KIAA0586: variants seen among roughly 807,000 people sequenced by gnomAD.
The protein encoded by KIAA0586 is KIAA0586.
In KIAA0586, 144 loss-of-function variants were observed where a neutral mutation model predicts 169.8. The ratio of observed to expected loss-of-function variants is 0.85; its 90% CI spans 0.74 to 0.97. The LOEUF is 0.97. KIAA0586 is among the 50% of genes least tolerant of loss of function. KIAA0586 has a pLI of 0.00. For missense variants in KIAA0586, 1,854 were observed against 1,823.0 expected, an observed-to-expected ratio of 1.02 and a Z score of -0.31; for synonymous variants, 625 against 612.4, an observed-to-expected ratio of 1.02 and a Z score of -0.30.
At chr14:58,540,982 A>G (rs1375341825) in intron 30 of KIAA0586, among the ~76,000 whole-genome samples, 5 of 152,224 alleles carry the variant, frequency 3.3e-5, no homozygotes, top group Non-Finnish European at 7.3e-5. Flanking sequence ...TTACACAGGA[A>G]TTGGAGCAAG....
At position 58,487,063 on chromosome 14, in the gene KIAA0586, A is replaced by G; in HGVS notation, c.3201A>G (p.Ser1067=). Residue 1067 remains serine (S), a synonymous_variant, in exon 22 of 31, where the codon TCA becomes TCG. Transcript: ENST00000652326. ...AGCCTACGCCTCCTTGCTCACCTTC[A>G]TCACCTGCTAAGGAGTGTGTTTTGG... is the stretch of plus-strand genomic sequence containing the variant. ...TPQPTPPCSP[S]SPAKECVLVK... The G allele has an allele frequency of 6.2e-7, 1 of 1,613,486 alleles. No individual in the cohort carries two copies. The highest frequency in any genetic ancestry group is 2.2e-5 in the East Asian group (1 of 44,858).
chr14:58,492,066 T>G, intron 25 of KIAA0586, 78 bp from the exon 26 acceptor site: 1 of 1,206,746 alleles, frequency 8.3e-7, no homozygotes, highest in Non-Finnish European at 1.1e-6. Context: ...CTGATAAGTT[T>G]TTATTAATCT....
chr14:58,535,109 A>G (rs2046201829), intron 29 of KIAA0586, among the ~76,000 whole-genome samples: 1 of 152,194 alleles, frequency 6.6e-6, no homozygotes, highest in African/African-American at 2.4e-5. Flanking sequence ...AAATGAAATC[A>G]TACGGTATGT....
rs755960543 is a variant in KIAA0586, at chr14:58,430,643, C to G, written c.271-5C>G. ...TAGCCTATTTCTTCCTTTCATATCC[C>G]AAAGGATTTTTCTAAAGACGTTGCA... is the stretch of plus-strand genomic sequence containing the variant. On this transcript the variant is annotated splice_region_variant and splice_polypyrimidine_tract_variant and intron_variant, in intron 2 of 30. Transcript: ENST00000652326. 6.3e-7 allele frequency: 1 copy of G among 1,578,086 alleles called. No individual in the cohort carries two copies. Among genetic ancestry groups the G allele is most frequent in the South Asian group, 1.1e-5 (1 of 87,000 alleles).
chr14:58,552,792 A>T (rs1263713185), downstream of KIAA0586, among the ~76,000 whole-genome samples: 1 of 152,210 alleles, frequency 6.6e-6, no homozygotes, highest in Non-Finnish European at 1.5e-5. Flanking sequence ...GTCACAGGTA[A>T]AGAACAGGCC....
At chr14:58,526,741 G>A (rs2045609536) in intron 29 of KIAA0586, among the ~76,000 whole-genome samples, 3 of 152,122 alleles carry the variant, frequency 2.0e-5, no homozygotes, top group Admixed American at 2.0e-4. Flanking sequence ...CAAAAGGTGG[G>A]TAATAACAAA....
chr14:58,462,808 AGAGTCAT>A (rs1397317235), intron 14 of KIAA0586, among the ~76,000 whole-genome samples: 1 of 152,152 alleles, frequency 6.6e-6, no homozygotes, highest in Non-Finnish European at 1.5e-5. Flanking sequence ...CAGAAAACTT[AGAGTCAT>A]GGCGAAGGGA....
chr14:58,479,976 C>T (rs1198828373), intron 20 of KIAA0586, among the ~76,000 whole-genome samples: 1 of 151,990 alleles, frequency 6.6e-6, no homozygotes, highest in African/African-American at 2.4e-5. Context: ...TAACTTTGTT[C>T]TTTTTTTCTT....
chr14:58,479,322 C>T (rs1595292546), intron 20 of KIAA0586, among the ~76,000 whole-genome samples: 1 of 152,282 alleles, frequency 6.6e-6, no homozygotes, highest in East Asian at 1.9e-4. Flanking sequence ...TGTATATTTA[C>T]TTTGGTGAAA....
At chr14:58,472,942 G>A (rs1419102969) in intron 18 of KIAA0586, among the ~76,000 whole-genome samples, 1 of 141,260 alleles carries the variant, frequency 7.1e-6, no homozygotes, top group Non-Finnish European at 1.5e-5. Flanking sequence ...TTCGCTCACA[G>A]ATATGTCTTT....
Position 58,442,964 on chromosome 14 carries a change from T to C in KIAA0586, c.585+84T>C, listed in dbSNP as rs1020162227. The C allele has an allele frequency of 3.0e-6, 3 of 1,009,730 alleles. No individual in the cohort carries two copies. The Admixed American group carries it at 8.1e-5, about 27-fold the overall frequency. 62.5% of individuals were successfully genotyped at this position (1,009,730 alleles called of 1,614,324 possible). On this transcript the variant is annotated intron_variant, in intron 5 of 30. Coordinates refer to ENST00000652326, the MANE Select transcript of KIAA0586 (RefSeq NM_001329943.3). ...AGAACTGATTCTATAAATGGTTGTG[T>C]CCAGTTATAGACTAGGAACATTGTA...
At chr14:58,458,017 T>C (rs757641520) in intron 11 of KIAA0586, 38 bp downstream of exon 11, 31 of 1,314,758 alleles carry the variant, frequency 2.4e-5, no homozygotes, top group Middle Eastern at 3.7e-4. Flanking sequence ...TTTATGAGTC[T>C]GTCAGTTCCA....
chr14:58,451,567 A>C (rs1035429218), intron 8 of KIAA0586, among the ~76,000 whole-genome samples: 1 of 152,140 alleles, frequency 6.6e-6, no homozygotes, highest in African/African-American at 2.4e-5. Flanking sequence ...GCTTTGCTGA[A>C]GGTAAGGCTG....
chr14:58,548,211 A>G lies in KIAA0586; in HGVS notation c.*279A>G, dbSNP rs369997201. 11 of 317,976 alleles carry G rather than the reference A, an allele frequency of 3.5e-5. No individual in the cohort carries two copies. Among genetic ancestry groups the G allele is most frequent in the African/African-American group, 8.6e-5 (4 of 46,724 alleles). The allele number at this position is 317,976 out of a possible 1,614,324, so 19.7% of individuals were successfully genotyped here. A position where few individuals can be genotyped will look rare whatever the true frequency, so the allele number is the denominator to read the frequency against. On this transcript the variant is annotated 3_prime_UTR_variant, in exon 31 of 31. Transcript: ENST00000652326. ...CTTTTGACATCTAGGCATTTAATCTATAGGTGTAATTATCTGTATGTATTT... is the reference window on the plus strand; with the variant it reads ...CTTTTGACATCTAGGCATTTAATCTGTAGGTGTAATTATCTGTATGTATTT...
At chr14:58,434,899 A>G (rs1416765151) in intron 4 of KIAA0586, among the ~76,000 whole-genome samples, 2 of 147,746 alleles carry the variant, frequency 1.4e-5, no homozygotes, top group Non-Finnish European at 3.0e-5. Flanking sequence ...GGTCCCCCTA[A>G]CCGCCCCCCC....
At chr14:58,497,183 G>A (rs1223122752) in intron 26 of KIAA0586, among the ~76,000 whole-genome samples, 1 of 151,812 alleles carries the variant, frequency 6.6e-6, no homozygotes, top group Non-Finnish European at 1.5e-5. Context: ...ATGTTGATCA[G>A]GATTGTCTGG....
intron 4 of KIAA0586, among the ~76,000 whole-genome samples, chr14:58,435,634 C>T (rs2037763936): frequency 6.6e-6 from 1 of 152,136 alleles, no homozygotes; most frequent in African/African-American, 2.4e-5. Flanking sequence ...GCCCCCCTTC[C>T]ATACCCATTT....
At chr14:58,462,489 G>A (rs991726355) in intron 14 of KIAA0586, among the ~76,000 whole-genome samples, 1 of 152,012 alleles carries the variant, frequency 6.6e-6, no homozygotes, top group Non-Finnish European at 1.5e-5. Context: ...CTGACCTCAG[G>A]TGATCCACCC....
rs543667403 is a variant in KIAA0586, at chr14:58,467,937, A to G, written c.2442+15A>G. The G allele has an allele frequency of 1.3e-6, 2 of 1,543,746 alleles. No individual in the cohort carries two copies. The highest frequency in any genetic ancestry group is 8.7e-7 in the Non-Finnish European group (1 of 1,148,248). On this transcript the variant is annotated intron_variant, in intron 16 of 30. Coordinates refer to ENST00000652326, the MANE Select transcript of KIAA0586 (RefSeq NM_001329943.3). ...TTACTGTGCAGGTATGCCAGGGTGC[A>G]TGAGTAGAAAATTTTAAGGAAGAAA...
Sources: gnomAD v4.1 joint callset for allele counts (sites outside exome capture counted in the v4.1 genomes callset) on GRCh38, gnomAD v4.1.1 for gene constraint, MANE v1.5 for transcripts, NCBI Gene and HGNC (gene_info 2026-07-23, HGNC 2026-07-21) for gene names.